Variants in SLC16A12 observed in about 807,000 individuals in gnomAD.
SLC16A12 encodes the protein solute carrier family 16 member 12, also known as monocarboxylate transporter 12.
In SLC16A12, 17 loss-of-function variants were observed where a neutral mutation model predicts 42.4. That is an observed-to-expected ratio of 0.40 (90% CI 0.27 to 0.60). SLC16A12 has a LOEUF of 0.60. Ranked by LOEUF, SLC16A12 falls within the 20% of genes least tolerant of loss-of-function variation. The pLI is 0.42. For synonymous variants in SLC16A12, 224 were observed against 229.4 expected (o/e 0.98, Z 0.21); for missense variants, 544 against 623.0 (o/e 0.87, Z 1.35).
chr10:89,471,166 A>T (rs2133767873), intron 2 of SLC16A12, among the ~76,000 whole-genome samples: 1 of 152,330 alleles, frequency 6.6e-6, no homozygotes, highest in South Asian at 2.1e-4. Flanking sequence ...CAGAGTTTTG[A>T]CAAATGTATC....
At chr10:89,537,140 G>A (rs1005711159), upstream of SLC16A12, among the ~76,000 whole-genome samples, 3 of 134,234 alleles carry the variant, frequency 2.2e-5, no homozygotes, top group Non-Finnish European at 3.1e-5. Context: ...AGGCACCGTA[G>A]GTATGTTTTT....
At chr10:89,540,769 A>C (rs2133883906) in intron 2 of SLC16A12, among the ~76,000 whole-genome samples, 1 of 152,314 alleles carries the variant, frequency 6.6e-6, no homozygotes, top group Non-Finnish European at 1.5e-5. Flanking sequence ...CTCATTTACT[A>C]TGACTCAAAG....
chr10:89,469,333 A>G (rs145489174), intron 2 of SLC16A12, among the ~76,000 whole-genome samples: 52 of 152,188 alleles, frequency 3.4e-4, no homozygotes, highest in Admixed American at 1.7e-3. Flanking sequence ...TATATTCTCA[A>G]TTTCACTTTA....
chr10:89,445,000 C>T (rs1019143133), intron 3 of SLC16A12, among the ~76,000 whole-genome samples: 9 of 152,348 alleles, frequency 5.9e-5, no homozygotes, highest in Middle Eastern at 3.4e-3. Context: ...TCACTGCTAG[C>T]GCAGCAGTCC....
intron 2 of SLC16A12, among the ~76,000 whole-genome samples, chr10:89,488,401 C>A (rs1261231184): frequency 2.0e-5 from 3 of 152,142 alleles, no homozygotes; most frequent in African/African-American, 7.2e-5. Flanking sequence ...TGGATGCCAG[C>A]TCTTTGTTGG....
upstream of SLC16A12, among the ~76,000 whole-genome samples, chr10:89,537,911 C>T (rs1490131157): frequency 6.6e-6 from 1 of 152,226 alleles, no homozygotes; most frequent in Non-Finnish European, 1.5e-5. Context: ...TTTTGTGTGT[C>T]TGATTCTATC....
Position 89,467,672 on chromosome 10 carries a change from G to A in SLC16A12, c.-46-5048C>T, listed in dbSNP as rs147459478. The stretch of plus-strand genomic sequence containing the variant: ...GTTGTATGTTTGTAATTGTCACAAA[G>A]AGTAGGAAGAATATGTAAAAAGGAA... On this transcript the variant is annotated intron_variant, in intron 2 of 7. Transcript: ENST00000371790. 5.1e-3 allele frequency among the ~76,000 whole-genome samples: 772 copies of A among 152,296 alleles called. 13 individuals carry two copies. Among genetic ancestry groups the A allele is most frequent in the African/African-American group, 0.017 (725 of 41,558 alleles).
intron 2 of SLC16A12, among the ~76,000 whole-genome samples, chr10:89,509,694 C>T (rs1843132068): frequency 6.6e-6 from 1 of 152,082 alleles, no homozygotes; most frequent in Non-Finnish European, 1.5e-5. Context: ...ACAAGGATGC[C>T]CTCTCTCACC....
At chr10:89,549,117 G>T (rs1287716011) in intron 2 of SLC16A12, among the ~76,000 whole-genome samples, 1 of 152,198 alleles carries the variant, frequency 6.6e-6, no homozygotes, top group Non-Finnish European at 1.5e-5. Context: ...TTTGTTTGGG[G>T]CTGATTTACC....
At chr10:89,444,717 C>T (rs1242650682) in intron 3 of SLC16A12, among the ~76,000 whole-genome samples, 1 of 152,202 alleles carries the variant, frequency 6.6e-6, no homozygotes, top group Non-Finnish European at 1.5e-5. Context: ...TTCTGCATTT[C>T]CAACTGAGGT....
intron 6 of SLC16A12, among the ~76,000 whole-genome samples, chr10:89,437,420 T>C (rs573232916): frequency 2.0e-4 from 30 of 152,282 alleles, no homozygotes; most frequent in African/African-American, 6.7e-4. Flanking sequence ...CAGGCAAATA[T>C]TGCACTGGCT....
At chr10:89,520,700 C>T in intron 2 of SLC16A12, among the ~76,000 whole-genome samples, 1 of 132,772 alleles carries the variant, frequency 7.5e-6, no homozygotes, top group East Asian at 2.2e-4. Context: ...TGTCAGCTGC[C>T]ATTACTGGGT....
chr10:89,545,029 A>T (rs1161847222), intron 2 of SLC16A12, among the ~76,000 whole-genome samples: 2 of 152,198 alleles, frequency 1.3e-5, no homozygotes, highest in Non-Finnish European at 2.9e-5. Flanking sequence ...TTATACCTCC[A>T]TCTGGCTCTC....
chr10:89,503,048 C>T (rs1487024008), intron 2 of SLC16A12, among the ~76,000 whole-genome samples: 1 of 152,170 alleles, frequency 6.6e-6, no homozygotes, highest in Admixed American at 6.5e-5. Flanking sequence ...TAGTTCATAT[C>T]TCTCCAGTAA....
At chr10:89,446,136 G>A (rs114747391) in intron 3 of SLC16A12, among the ~76,000 whole-genome samples, 4,659 of 152,252 alleles carry the variant, frequency 0.031, 239 homozygotes, top group African/African-American at 0.1. Flanking sequence ...TTTGATTGGC[G>A]TCCCTCAAAG....
At chr10:89,507,648 C>T (rs1169009137) in intron 2 of SLC16A12, among the ~76,000 whole-genome samples, 13 of 152,212 alleles carry the variant, frequency 8.5e-5, no homozygotes. Context: ...AGACCATCAA[C>T]ACTATGAAGA....
At chr10:89,518,723 C>T (rs1843299094) in intron 2 of SLC16A12, among the ~76,000 whole-genome samples, 2 of 152,182 alleles carry the variant, frequency 1.3e-5, no homozygotes, top group Admixed American at 6.5e-5. Flanking sequence ...CCTCCATCTT[C>T]TACCTACTCA....
intron 2 of SLC16A12, among the ~76,000 whole-genome samples, chr10:89,546,293 T>C (rs980437327): frequency 6.6e-5 from 10 of 152,020 alleles, no homozygotes; most frequent in African/African-American, 2.4e-4. Flanking sequence ...TCTACCCATC[T>C]GACAAAGGCC....
chr10:89,441,670 A>T (rs1456837085), intron 4 of SLC16A12, among the ~76,000 whole-genome samples: 1 of 152,252 alleles, frequency 6.6e-6, no homozygotes, highest in Non-Finnish European at 1.5e-5. Context: ...CCATGTGACC[A>T]GCAGGGTTAT....
Sources: allele counts gnomAD v4.1 joint callset (sites outside exome capture counted in the v4.1 genomes callset), GRCh38; gene constraint gnomAD v4.1.1; transcripts MANE v1.5; gene names NCBI Gene and HGNC (gene_info 2026-07-23, HGNC 2026-07-21).